Variants in SENP1 observed in about 807,000 individuals in gnomAD.
SENP1 encodes sentrin-specific protease 1.
SENP1 carries 21 observed loss-of-function variants against 93.0 expected under a neutral mutation model. The ratio of observed to expected loss-of-function variants is 0.23; its 90% CI spans 0.16 to 0.33. SENP1 has a LOEUF of 0.33. Ranked by LOEUF, SENP1 falls within the 10% of genes least tolerant of loss-of-function variation. SENP1 has a pLI of 1.00. For synonymous variants in SENP1, 256 were observed against 259.6 expected (o/e 0.99, Z 0.13); for missense variants, 591 against 758.7 (o/e 0.78, Z 2.60).
intron 6 of SENP1, among the ~76,000 whole-genome samples, chr12:48,082,506 T>C (rs1321415653): frequency 6.6e-6 from 1 of 152,208 alleles, no homozygotes; most frequent in Non-Finnish European, 1.5e-5. Flanking sequence ...CTACCTATTT[T>C]GCTGAGTTAA....
chr12:48,051,996 A>G (rs191006345), intron 13 of SENP1, among the ~76,000 whole-genome samples: 27 of 152,182 alleles, frequency 1.8e-4, no homozygotes, highest in African/African-American at 6.3e-4. Context: ...TTAAGGAGCT[A>G]CCCTTCCTGC....
chr12:48,081,492 C>A (rs1254874033), intron 6 of SENP1: 3 of 151,660 alleles, frequency 2.0e-5, no homozygotes, highest in African/African-American at 4.8e-5. Context: ...CAAATGTTGC[C>A]AGTTTCTTGT....
intron 5 of SENP1, among the ~76,000 whole-genome samples, chr12:48,087,678 G>A (rs527446092): frequency 6.6e-6 from 1 of 152,304 alleles, no homozygotes; most frequent in Non-Finnish European, 1.5e-5. Flanking sequence ...GTGAGTGTAT[G>A]AGTGAATTAC....
At chr12:48,046,256 G>A (rs535919398) in intron 17 of SENP1, 100 bp downstream of exon 17, 18 of 754,014 alleles carry the variant, frequency 2.4e-5, no homozygotes, top group South Asian at 7.9e-5. Context: ...CTAAAGGTTA[G>A]GGTAGAGGCC....
intron 3 of SENP1, among the ~76,000 whole-genome samples, chr12:48,097,051 T>A (rs2158516): frequency 0.17 from 25,363 of 151,966 alleles, 2,457 homozygotes; most frequent in East Asian, 0.28. Context: ...ACATAGACAA[T>A]CTAATGAAAT....
At chr12:48,074,227 T>G in intron 8 of SENP1, 97 bp downstream of exon 8, 1 of 1,049,458 alleles carries the variant, frequency 9.5e-7, no homozygotes, top group Non-Finnish European at 1.4e-6. Context: ...GTATGCTCAT[T>G]TATTTATATG....
chr12:48,053,778 T>C (rs1942002660), intron 13 of SENP1, among the ~76,000 whole-genome samples: 1 of 152,216 alleles, frequency 6.6e-6, no homozygotes, highest in African/African-American at 2.4e-5. Context: ...AAATTCCTCT[T>C]TCACCATCGT....
intron 13 of SENP1, among the ~76,000 whole-genome samples, chr12:48,051,943 G>C (rs969500118): frequency 1.3e-5 from 2 of 152,114 alleles, no homozygotes; most frequent in African/African-American, 4.8e-5. Flanking sequence ...ACCTTTTCTG[G>C]GACCCACACT....
At chr12:48,072,325 G>C (rs1381336122) in intron 8 of SENP1, among the ~76,000 whole-genome samples, 8 of 152,130 alleles carry the variant, frequency 5.3e-5, no homozygotes, top group African/African-American at 1.9e-4. Flanking sequence ...CAGTGCTTGT[G>C]TTCAGTAACC....
intron 9 of SENP1, among the ~76,000 whole-genome samples, 194 bp downstream of exon 9, chr12:48,071,473 G>A (rs1032742152): frequency 6.6e-6 from 1 of 152,074 alleles, no homozygotes; most frequent in African/African-American, 2.4e-5. Context: ...AAAATTAGCT[G>A]GGCGTGGTGG....
At chr12:48,083,410 A>C (rs996587704) in intron 6 of SENP1, among the ~76,000 whole-genome samples, 181 bp downstream of exon 6, 5 of 152,336 alleles carry the variant, frequency 3.3e-5, no homozygotes, top group African/African-American at 1.2e-4. Context: ...GTCCTGCTAA[A>C]ACACCTCTTT....
chr12:48,097,328 G>A (rs1374416378), intron 3 of SENP1, among the ~76,000 whole-genome samples: 1 of 152,134 alleles, frequency 6.6e-6, no homozygotes, highest in Non-Finnish European at 1.5e-5. Context: ...ATTATGGGGG[G>A]AGGTGGATGT....
chr12:48,094,247 G>A (rs543905355), intron 4 of SENP1, among the ~76,000 whole-genome samples: 4 of 152,214 alleles, frequency 2.6e-5, no homozygotes, highest in African/African-American at 9.6e-5. Flanking sequence ...AGGCATGGTG[G>A]CATGTACCTG....
At chr12:48,047,175 G>A in intron 15 of SENP1, 113 bp from the exon 16 acceptor site, 1 of 662,054 alleles carries the variant, frequency 1.5e-6, no homozygotes, top group South Asian at 1.8e-5. Context: ...CTGCTCTTCT[G>A]AGGAAAAGAG....
chr12:48,069,363 G>C (rs1195140399), intron 9 of SENP1, among the ~76,000 whole-genome samples: 2 of 152,120 alleles, frequency 1.3e-5, no homozygotes, highest in East Asian at 3.9e-4. Context: ...AGAATTAAGA[G>C]TAGAGAGCCA....
chr12:48,070,299 T>C (rs1469512147), intron 9 of SENP1, among the ~76,000 whole-genome samples: 1 of 152,228 alleles, frequency 6.6e-6, no homozygotes, highest in Non-Finnish European at 1.5e-5. Context: ...ACCTCCATCA[T>C]GTCTCTGCTC....
At chr12:48,097,467 G>A (rs1945643118) in intron 3 of SENP1, among the ~76,000 whole-genome samples, 1 of 152,110 alleles carries the variant, frequency 6.6e-6, no homozygotes, top group African/African-American at 2.4e-5. Flanking sequence ...CTGCTTAATA[G>A]TGCTCCCCAC....
intron 2 of SENP1, chr12:48,099,010 C>G (rs1945745362): frequency 2.0e-5 from 3 of 152,102 alleles, no homozygotes; most frequent in Admixed American, 2.0e-4. Flanking sequence ...CATATAAAAA[C>G]AGCTTAATTT....
intron 9 of SENP1, among the ~76,000 whole-genome samples, chr12:48,067,474 G>A (rs1943379541): frequency 6.6e-6 from 1 of 152,198 alleles, no homozygotes; most frequent in South Asian, 2.1e-4. Context: ...TGGCTCTGCT[G>A]ACAACCCAAG....
Sources: allele counts gnomAD v4.1 joint callset (sites outside exome capture counted in the v4.1 genomes callset), GRCh38; gene constraint gnomAD v4.1.1; transcripts MANE v1.5; gene names NCBI Gene and HGNC (gene_info 2026-07-23, HGNC 2026-07-21).